CA9: variants seen among roughly 807,000 people sequenced by gnomAD.
CA9 encodes the protein carbonic anhydrase 9, also known as CA-IX.
Under a neutral mutation model 51.8 loss-of-function variants are expected in CA9, and 43 were observed. The observed-to-expected ratio is 0.83, with a 90% CI of 0.65 to 1.07. CA9 has a LOEUF of 1.07. Ranked by LOEUF, CA9 falls within the 50% of genes least tolerant of loss-of-function variation. CA9 has a pLI of 0.00. For missense variants in CA9, 574 were observed against 581.4 expected (o/e 0.99, Z 0.13); for synonymous variants, 253 against 244.2 (o/e 1.04, Z -0.34).
rs1824540805 is a variant in CA9, at chr9:35,681,020, G to A, written c.1375G>A (p.Ala459Thr). Residue 459 changes from alanine (A) to threonine (T), a missense_variant, in exon 11 of 11, where the codon GCC becomes ACC. Coordinates refer to ENST00000378357, the MANE Select transcript of CA9 (RefSeq NM_001216.3). ...CCCAGCAGAGGTAGCCGAGACTGGA[G>A]CCTAGAGGCTGGATCTTGGAGAATG... is the stretch of plus-strand genomic sequence containing the variant. ...YRPAEVAETG[A>T] The A allele has an allele frequency of 2.5e-6, 4 of 1,613,742 alleles. No homozygotes were observed. The highest frequency in any genetic ancestry group is 3.4e-6 in the Non-Finnish European group (4 of 1,179,940).
chr9:35,675,600 T>C (rs1186039038), intron 2 of CA9, 33 bp downstream of exon 2: 4 of 1,613,250 alleles, frequency 2.5e-6, no homozygotes, highest in Non-Finnish European at 2.5e-6. Flanking sequence ...AGACCCAATC[T>C]GGGAACCCAG....
intron 9 of CA9, 23 bp from the exon 10 acceptor site, chr9:35,680,730 G>T: frequency 6.2e-7 from 1 of 1,608,532 alleles, no homozygotes; most frequent in Non-Finnish European, 8.5e-7. Flanking sequence ...TCCCAAAGCA[G>T]CCCTCTCTGC....
intron 5 of CA9, 70 bp from the exon 6 acceptor site, chr9:35,677,720 C>A: frequency 1.7e-6 from 2 of 1,207,806 alleles, no homozygotes; most frequent in Admixed American, 1.7e-5. Context: ...GGGAACCCCC[C>A]TTCATGTTCC....
intron 2 of CA9, 89 bp downstream of exon 2, chr9:35,675,656 C>A (rs564531947): frequency 3.3e-6 from 5 of 1,507,244 alleles, no homozygotes; most frequent in South Asian, 1.1e-5. Context: ...TGGTCCCGGG[C>A]GTCCCACCCG....
intron 9 of CA9, 57 bp from the exon 10 acceptor site, chr9:35,680,696 G>A: frequency 2.8e-6 from 4 of 1,435,900 alleles, no homozygotes; most frequent in Non-Finnish European, 3.9e-6. Flanking sequence ...CAGGTGTTGA[G>A]GAACTCTGCA....
At chr9:35,679,768 C>T (rs963548115) in intron 7 of CA9, 86 bp from the exon 8 acceptor site, 1 of 1,322,650 alleles carries the variant, frequency 7.6e-7, no homozygotes, top group African/African-American at 1.5e-5. Context: ...AGGGTGGAGC[C>T]CTGAGGTGCT....
At position 35,676,054 on chromosome 9, in the gene CA9, C is replaced by T. The variant is rs1446275603; in HGVS notation, c.605-10C>T. The T allele has an allele frequency of 3.1e-6, 5 of 1,612,946 alleles. No homozygotes were observed. The highest frequency in any genetic ancestry group is 2.2e-5 in the South Asian group (2 of 91,016). The stretch of plus-strand genomic sequence containing the variant: ...GGGCGGGGCCGGCTCACTTGCCTCT[C>T]CCTACGCAGTGCAACTGACCCTGCC... On this transcript the variant is annotated splice_polypyrimidine_tract_variant and intron_variant, in intron 3 of 10. Coordinates refer to ENST00000378357, the MANE Select transcript of CA9 (RefSeq NM_001216.3).
At position 35,676,383 on chromosome 9, in the gene CA9, T is replaced by G; in HGVS notation, c.834T>G (p.Phe278Leu). 6.2e-7 allele frequency: 1 copy of G among 1,612,970 alleles called. No homozygotes were observed. Among genetic ancestry groups the G allele is most frequent in the South Asian group, 1.1e-5 (1 of 90,968 alleles). ...GAGGCCTGGCCGTGTTGGCCGCCTTTCTGGAGGTACCAGATCCTGGACACC... is the reference window on the plus strand; with the variant it reads ...GAGGCCTGGCCGTGTTGGCCGCCTTGCTGGAGGTACCAGATCCTGGACACC... ...RPGGLAVLAAFLEEGPEENSA... is the reference protein window; with the variant it reads ...RPGGLAVLAALLEEGPEENSA... The change falls in exon 5 of 11, where the codon TTT becomes TTG. Residue 278 changes from phenylalanine to leucine, a missense_variant. Physicochemically the swap from Phe to Leu is conservative, Grantham distance 22. Coordinates refer to ENST00000378357, the MANE Select transcript of CA9 (RefSeq NM_001216.3).
chr9:35,675,984 G>A (rs1341869547), intron 3 of CA9, 53 bp downstream of exon 3: 11 of 1,602,114 alleles, frequency 6.9e-6, no homozygotes, highest in Non-Finnish European at 9.4e-6. Context: ...GCAGGGAAGG[G>A]AACCGTCGCG....
intron 1 of CA9, 66 bp downstream of exon 1, chr9:35,674,428 C>T: frequency 6.8e-7 from 1 of 1,473,906 alleles, no homozygotes. Context: ...CATACCCCAG[C>T]CTAGGCTCTG....
At chr9:35,678,442 TG>T (rs1824467099) in intron 6 of CA9, among the ~76,000 whole-genome samples, 1 of 151,826 alleles carries the variant, frequency 6.6e-6, no homozygotes, top group African/African-American at 2.4e-5. Flanking sequence ...AGGTCAAGTC[TG>T]GAGAGCTAAA....
rs565650695 is a variant in CA9 at position 35,674,061 on chromosome 9, TG to T, written c.103del (p.Val35SerfsTer74). ...TGCTGTCACTGCTGCTTCTGGTGCCTGTCCATCCCCAGAGGTTGCCCCGGAT... is the reference window on the plus strand; with the variant it reads ...TGCTGTCACTGCTGCTTCTGGTGCCTTCCATCCCCAGAGGTTGCCCCGGAT... The part of the protein sequence containing the change: ...LLLSLLLLVP[V>X]HPQRLPRMQE... On this transcript the variant is annotated frameshift_variant, in exon 1 of 11. Coordinates refer to ENST00000378357, the MANE Select transcript of CA9 (RefSeq NM_001216.3). LOFTEE classifies it high-confidence loss of function. 587 of 1,614,198 alleles carry T rather than the reference TG, an allele frequency of 3.6e-4. 1 individual carries two copies. Among genetic ancestry groups the T allele is most frequent in the Non-Finnish European group, 4.7e-4 (560 of 1,180,018 alleles).
At position 35,675,815 on chromosome 9, in the gene CA9, C is replaced by G; in HGVS notation, c.488C>G (p.Pro163Arg). ...SPACAGRFQS[P>R]VDIRPQLAAF... is the part of the protein sequence containing the mutation. ...GCCTGCGCGGGCCGCTTCCAGTCCCCGGTGGATATCCGCCCCCAGCTCGCC... is the reference window on the plus strand; with the variant it reads ...GCCTGCGCGGGCCGCTTCCAGTCCCGGGTGGATATCCGCCCCCAGCTCGCC... Residue 163 changes from proline to arginine, a missense_variant, in exon 3 of 11, where the codon CCG (proline) becomes CGG (arginine). Physicochemically the swap from Pro to Arg is moderately radical, Grantham distance 103. Transcript: ENST00000378357. The G allele has an allele frequency of 6.2e-7, 1 of 1,603,728 alleles. No homozygotes were observed. The highest frequency in any genetic ancestry group is 8.5e-7 in the Non-Finnish European group (1 of 1,179,440).
Position 35,676,186 on chromosome 9 carries a change from G to C in CA9, c.727G>C (p.Gly243Arg), listed in dbSNP as rs1321241617. The stretch of plus-strand genomic sequence containing the variant: ...TCCGGGCTCGGAGCACACTGTGGAA[G>C]GCCACCGTTTCCCTGCCGAGGTGAG... Reference protein sequence around the residue: ...GRPGSEHTVEGHRFPAEIHVV... With the variant: ...GRPGSEHTVERHRFPAEIHVV... Residue 243 changes from glycine to arginine, a missense_variant, in exon 4 of 11, where the codon GGC (glycine) becomes CGC (arginine). Physicochemically the swap from Gly to Arg is moderately radical, Grantham distance 125. Coordinates refer to ENST00000378357, the MANE Select transcript of CA9 (RefSeq NM_001216.3). The C allele has an allele frequency of 6.2e-7, 1 of 1,612,138 alleles. No homozygotes were observed. Among genetic ancestry groups the C allele is most frequent in the East Asian group, 2.2e-5 (1 of 44,858 alleles).
Position 35,676,410 on chromosome 9 carries a change from C to T in CA9, c.840+21C>T, listed in dbSNP as rs200447105. The T allele has an allele frequency of 3.2e-6, 5 of 1,582,162 alleles. No homozygotes were observed. In the South Asian group the frequency reaches 3.4e-5, roughly 11 times the overall value. ...TGGAGGTACCAGATCCTGGACACCC[C>T]CTACTCCCCGCTTTCCCATCCCATG... On this transcript the variant is annotated intron_variant, in intron 5 of 10. Coordinates refer to ENST00000378357, the MANE Select transcript of CA9 (RefSeq NM_001216.3).
rs1243266340 is a variant in CA9, at chr9:35,677,789, G to C, written c.841-1G>C. 3 of 1,613,768 alleles carry C rather than the reference G, an allele frequency of 1.9e-6. No homozygotes were observed. Among genetic ancestry groups the C allele is most frequent in the Non-Finnish European group, 2.5e-6 (3 of 1,179,758 alleles). On this transcript the variant is annotated splice_acceptor_variant, in intron 5 of 10. Coordinates refer to ENST00000378357, the MANE Select transcript of CA9 (RefSeq NM_001216.3). LOFTEE classifies it high-confidence loss of function. The stretch of plus-strand genomic sequence containing the variant: ...ATCTGTCTTACAATGTCATCCCCCA[G>C]GAGGGCCCGGAAGAAAACAGTGCCT...
chr9:35,676,379 C>G lies in CA9; in HGVS notation c.830C>G (p.Ala277Gly). Residue 277 changes from alanine (A) to glycine (G), a missense_variant, in exon 5 of 11, where the codon GCC becomes GGC. By Grantham distance (60) the Ala-to-Gly change is moderately conservative. Coordinates refer to ENST00000378357, the MANE Select transcript of CA9 (RefSeq NM_001216.3). ...CCGGGAGGCCTGGCCGTGTTGGCCG[C>G]CTTTCTGGAGGTACCAGATCCTGGA... ...GRPGGLAVLA[A>G]FLEEGPEENS... 2 of 1,613,344 alleles carry G rather than the reference C, an allele frequency of 1.2e-6. No homozygotes were observed. The highest frequency in any genetic ancestry group is 1.1e-5 in the South Asian group (1 of 91,000).
intron 1 of CA9, 22 bp from the exon 2 acceptor site, chr9:35,675,516 T>G: frequency 1.2e-6 from 2 of 1,613,874 alleles, no homozygotes; most frequent in Non-Finnish European, 1.7e-6. Flanking sequence ...GCTTGAGCGG[T>G]TCATCCTTTT....
intron 6 of CA9, 75 bp downstream of exon 6, chr9:35,677,931 A>T: frequency 7.7e-7 from 1 of 1,301,936 alleles, no homozygotes; most frequent in Non-Finnish European, 1.1e-6. Flanking sequence ...TTCAGGTCTG[A>T]GGCTGGAGAT....
Sources: gnomAD v4.1 joint callset for allele counts (sites outside exome capture counted in the v4.1 genomes callset) on GRCh38, gnomAD v4.1.1 for gene constraint, MANE v1.5 for transcripts, NCBI Gene and HGNC (gene_info 2026-07-23, HGNC 2026-07-21) for gene names.